IL1RAPL2: variants seen among roughly 807,000 people sequenced by gnomAD.
IL1RAPL2 encodes X-linked interleukin-1 receptor accessory protein-like 2.
A neutral mutation model predicts 44.1 loss-of-function variants in IL1RAPL2; 3 were observed. That is an observed-to-expected ratio of 0.07 (90% confidence interval 0.03 to 0.18). The LOEUF is 0.18. Ranked by LOEUF, IL1RAPL2 falls within the 10% of genes least tolerant of loss-of-function variation. The pLI is 1.00. For synonymous variants in IL1RAPL2, 181 were observed against 178.8 expected, an observed-to-expected ratio of 1.01 and a Z score of -0.10; for missense variants, 391 against 496.4, an observed-to-expected ratio of 0.79 and a Z score of 2.02.
chrX:105,140,069 T>A (rs2033112892), intron 2 of IL1RAPL2, among the ~76,000 whole-genome samples: 1 of 112,179 alleles, frequency 8.9e-6, no homozygotes, highest in African/African-American at 3.2e-5. Context: ...ATAAAATTGA[T>A]GACCTCCGAC....
intron 6 of IL1RAPL2, among the ~76,000 whole-genome samples, chrX:105,529,372 C>G (rs574184286): frequency 1.8e-5 from 2 of 111,304 alleles, no homozygotes; most frequent in South Asian, 7.5e-4. Context: ...CTCTGTTCCT[C>G]AAAATATTTC....
intron 6 of IL1RAPL2, among the ~76,000 whole-genome samples, chrX:105,551,479 A>G (rs1280042300): frequency 4.5e-5 from 5 of 111,256 alleles, no homozygotes; most frequent in Non-Finnish European, 7.5e-5. Context: ...TCAGTAGAAC[A>G]ACTTCCCACC....
chrX:104,961,256 A>C lies in IL1RAPL2; in HGVS notation c.83-234219A>C, dbSNP rs540356201. 1.4e-3 allele frequency among the ~76,000 whole-genome samples: 158 copies of C among 111,871 alleles called. 1 individual carries two copies. The highest frequency in any genetic ancestry group is 4.7e-3 in the African/African-American group (146 of 30,780). On this transcript the variant is annotated intron_variant, in intron 2 of 10. Coordinates refer to ENST00000372582, the MANE Select transcript of IL1RAPL2 (RefSeq NM_017416.2). Reference sequence around the variant, plus strand: ...ACCTGTAGACTCAGAAGAAAGAAGCAGCCAGAGGTCAAACATTGCTGCCTT... The same window carrying C: ...ACCTGTAGACTCAGAAGAAAGAAGCCGCCAGAGGTCAAACATTGCTGCCTT...
intron 5 of IL1RAPL2, among the ~76,000 whole-genome samples, chrX:105,438,080 TA>T (rs2147754002): frequency 8.9e-6 from 1 of 111,841 alleles, no homozygotes; most frequent in African/African-American, 3.2e-5. Flanking sequence ...AAAATGGCTA[TA>T]ATTAAGTGTT....
At chrX:105,039,859 G>A (rs1353441350) in intron 2 of IL1RAPL2, among the ~76,000 whole-genome samples, 2 of 110,863 alleles carry the variant, frequency 1.8e-5, no homozygotes, top group East Asian at 2.9e-4. Context: ...TTTCCTAATT[G>A]AGTACCCTTT....
chrX:105,089,063 C>A (rs2032510942), intron 2 of IL1RAPL2, among the ~76,000 whole-genome samples: 1 of 111,381 alleles, frequency 9.0e-6, no homozygotes, highest in African/African-American at 3.3e-5. Context: ...ACATACCATT[C>A]ACTCTACAGT....
intron 2 of IL1RAPL2, among the ~76,000 whole-genome samples, chrX:104,813,192 G>T (rs1921040462): frequency 8.9e-6 from 1 of 111,733 alleles, no homozygotes; most frequent in African/African-American, 3.2e-5. Flanking sequence ...TTTATACAGG[G>T]ACCTCAAGGA....
At chrX:105,734,296 G>C (rs1347501314) in intron 7 of IL1RAPL2, among the ~76,000 whole-genome samples, 1 of 110,933 alleles carries the variant, frequency 9.0e-6, no homozygotes, top group East Asian at 2.9e-4. Context: ...TAGGTGAGAG[G>C]AAAGCTAGAG....
At chrX:105,429,994 CAAATA>C (rs984875366) in intron 5 of IL1RAPL2, among the ~76,000 whole-genome samples, 4 of 110,851 alleles carry the variant, frequency 3.6e-5, no homozygotes, top group African/African-American at 1.3e-4. Context: ...TTGTAAATAC[CAAATA>C]AAATAGAGAA....
intron 2 of IL1RAPL2, among the ~76,000 whole-genome samples, chrX:104,861,674 G>A (rs930314525): frequency 2.7e-5 from 3 of 110,621 alleles, no homozygotes; most frequent in Non-Finnish European, 5.7e-5. Flanking sequence ...AAAATCCACC[G>A]ATGCTCAGGT....
At chrX:105,194,208 A>T (rs1455324294) in intron 2 of IL1RAPL2, among the ~76,000 whole-genome samples, 7 of 112,078 alleles carry the variant, frequency 6.2e-5, no homozygotes, top group Admixed American at 1.9e-4. Flanking sequence ...ACACTTAAAC[A>T]TTGCATTTAG....
intron 2 of IL1RAPL2, among the ~76,000 whole-genome samples, chrX:104,987,259 C>T (rs1220444034): frequency 9.0e-6 from 1 of 110,967 alleles, no homozygotes; most frequent in South Asian, 3.8e-4. Flanking sequence ...AAATAGTGTT[C>T]CAGGTTTCTG....
intron 6 of IL1RAPL2, among the ~76,000 whole-genome samples, chrX:105,510,404 G>A (rs2036461007): frequency 9.0e-6 from 1 of 110,876 alleles, no homozygotes; most frequent in Admixed American, 9.7e-5. Flanking sequence ...ACATCTCACT[G>A]AGCACACTGT....
At chrX:105,501,307 A>G (rs2036393113) in intron 6 of IL1RAPL2, among the ~76,000 whole-genome samples, 1 of 111,661 alleles carries the variant, frequency 9.0e-6, no homozygotes, top group Non-Finnish European at 1.9e-5. Context: ...CAACCTTGTG[A>G]TTTAATTTAG....
intron 5 of IL1RAPL2, among the ~76,000 whole-genome samples, chrX:105,409,841 T>C (rs763016381): frequency 4.5e-5 from 4 of 89,501 alleles, no homozygotes; most frequent in South Asian, 6.6e-4. Flanking sequence ...GATAGATAGA[T>C]AGATAGACAG....
intron 2 of IL1RAPL2, among the ~76,000 whole-genome samples, chrX:104,838,979 G>A (rs1236148376): frequency 9.6e-6 from 1 of 104,558 alleles, no homozygotes; most frequent in African/African-American, 3.5e-5. Context: ...CCTCCTGAGT[G>A]GCTGGAATTA....
intron 3 of IL1RAPL2, chrX:105,219,263 A>T: frequency 2.5e-6 from 3 of 1,210,742 alleles, no homozygotes; most frequent in Non-Finnish European, 2.2e-6. Flanking sequence ...ATGTCTGAGA[A>T]GGAGGAAAAA....
chrX:104,614,816 G>A (rs747728471), intron 1 of IL1RAPL2, among the ~76,000 whole-genome samples: 1 of 111,704 alleles, frequency 9.0e-6, no homozygotes, highest in East Asian at 2.8e-4. Context: ...CATGACCCCT[G>A]CTCTTTTTTG....
intron 2 of IL1RAPL2, among the ~76,000 whole-genome samples, chrX:105,068,931 T>A (rs2032172394): frequency 8.9e-6 from 1 of 112,153 alleles, no homozygotes; most frequent in Non-Finnish European, 1.9e-5. Flanking sequence ...TAAAAAATTG[T>A]CAAGGTTAGA....
Sources: allele counts gnomAD v4.1 joint callset (sites outside exome capture counted in the v4.1 genomes callset), GRCh38; gene constraint gnomAD v4.1.1; transcripts MANE v1.5; gene names NCBI Gene and HGNC (gene_info 2026-07-23, HGNC 2026-07-21).